SGMS1: variants seen among roughly 807,000 people sequenced by gnomAD.
SGMS1 encodes the protein phosphatidylcholine:ceramide cholinephosphotransferase 1.
Under a neutral mutation model 46.2 loss-of-function variants are expected in SGMS1, and 13 were observed. That is an observed-to-expected ratio of 0.28 (90% CI 0.18 to 0.45). The LOEUF is 0.45. Ranked by LOEUF, SGMS1 falls within the 20% of genes least tolerant of loss-of-function variation. The pLI is 1.00. For missense variants in SGMS1, 324 were observed against 519.9 expected (o/e 0.62, Z 3.66); for synonymous variants, 203 against 187.8 (o/e 1.08, Z -0.66).
intron 5 of SGMS1, among the ~76,000 whole-genome samples, chr10:50,435,177 T>C (rs775772213): frequency 1.8e-4 from 27 of 152,230 alleles, no homozygotes; most frequent in Non-Finnish European, 4.0e-4. Flanking sequence ...TGCTGTTTAA[T>C]AGCAGTGTGA....
At chr10:50,482,412 G>A (rs186321088) in intron 3 of SGMS1, among the ~76,000 whole-genome samples, 3 of 152,194 alleles carry the variant, frequency 2.0e-5, no homozygotes, top group African/African-American at 4.8e-5. Flanking sequence ...TTTCATATAC[G>A]GCCAAACTAA....
chr10:50,465,685 A>C (rs1239390700), intron 4 of SGMS1, among the ~76,000 whole-genome samples: 2 of 152,126 alleles, frequency 1.3e-5, no homozygotes, highest in Non-Finnish European at 1.5e-5. Context: ...CAGACTAAGA[A>C]AAGAGAGAAT....
At chr10:50,549,740 G>T (rs565020571) in intron 2 of SGMS1, among the ~76,000 whole-genome samples, 2 of 152,146 alleles carry the variant, frequency 1.3e-5, no homozygotes, top group African/African-American at 4.8e-5. Context: ...CACTAATTTG[G>T]TGACTCTGCT....
At chr10:50,361,380 G>A (rs933669609) in intron 6 of SGMS1, among the ~76,000 whole-genome samples, 3 of 152,046 alleles carry the variant, frequency 2.0e-5, no homozygotes, top group Non-Finnish European at 2.9e-5. Context: ...AAGGCTGCCC[G>A]AGGAAGTCAT....
chr10:50,535,781 CTCACACCTCTGAT>C (rs1837995455), intron 2 of SGMS1, among the ~76,000 whole-genome samples: 1 of 152,098 alleles, frequency 6.6e-6, no homozygotes, highest in South Asian at 2.1e-4. Flanking sequence ...CTGAGATGCT[CTCACACCTCTGAT>C]TCAGCCACTT....
intron 7 of SGMS1, among the ~76,000 whole-genome samples, chr10:50,329,142 C>T (rs1257200726): frequency 6.6e-6 from 1 of 152,116 alleles, no homozygotes; most frequent in Non-Finnish European, 1.5e-5. Context: ...TTTTATGATG[C>T]ACAAAAGGTA....
At chr10:50,539,824 C>T (rs555470636) in intron 2 of SGMS1, among the ~76,000 whole-genome samples, 1 of 152,228 alleles carries the variant, frequency 6.6e-6, no homozygotes, top group East Asian at 1.9e-4. Flanking sequence ...CCAATGGAAA[C>T]AAGAAATCAA....
At chr10:50,487,063 A>G (rs1317053088) in intron 3 of SGMS1, among the ~76,000 whole-genome samples, 1 of 152,186 alleles carries the variant, frequency 6.6e-6, no homozygotes, top group Non-Finnish European at 1.5e-5. Context: ...AGAAACAGAA[A>G]CCCAAATACC....
chr10:50,561,879 G>C lies in SGMS1; in HGVS notation c.-589+28274C>G, dbSNP rs1838239615. Among the ~76,000 whole-genome samples, 3 of 152,208 alleles carry C rather than the reference G, an allele frequency of 2.0e-5. No individual in the cohort carries two copies. In the South Asian group the frequency reaches 6.2e-4, roughly 32 times the overall value. On this transcript the variant is annotated intron_variant, in intron 2 of 10. Coordinates refer to ENST00000361781, the MANE Select transcript of SGMS1 (RefSeq NM_147156.4). ...TTCAAGTGGACCTCTCCCCACAGAGGACCCCAAAAGTACACCCACTACCCC... is the reference window on the plus strand; with the variant it reads ...TTCAAGTGGACCTCTCCCCACAGAGCACCCCAAAAGTACACCCACTACCCC...
chr10:50,349,296 G>C (rs1213311871), intron 6 of SGMS1, among the ~76,000 whole-genome samples: 2 of 152,200 alleles, frequency 1.3e-5, no homozygotes, highest in African/African-American at 4.8e-5. Flanking sequence ...AGCCTTAGCT[G>C]TCTACTCCAC....
intron 5 of SGMS1, among the ~76,000 whole-genome samples, chr10:50,456,457 GTAA>G (rs1837192276): frequency 6.6e-6 from 1 of 152,164 alleles, no homozygotes; most frequent in African/African-American, 2.4e-5. Context: ...AGAACAAGAA[GTAA>G]TAATAAGTCA....
At chr10:50,569,957 G>A (rs796286717) in intron 2 of SGMS1, among the ~76,000 whole-genome samples, 65 of 152,224 alleles carry the variant, frequency 4.3e-4, no homozygotes, top group African/African-American at 1.3e-3. Context: ...AATAATTGTG[G>A]TTAATCTTCT....
chr10:50,377,750 A>G (rs1397662419), intron 6 of SGMS1, among the ~76,000 whole-genome samples: 9 of 152,192 alleles, frequency 5.9e-5, no homozygotes, highest in African/African-American at 2.2e-4. Flanking sequence ...AAGTATTAGC[A>G]GGGACATACT....
chr10:50,524,332 C>A (rs924813121), intron 2 of SGMS1, among the ~76,000 whole-genome samples: 3 of 152,176 alleles, frequency 2.0e-5, no homozygotes, highest in African/African-American at 7.2e-5. Flanking sequence ...AGCCTCTGGG[C>A]TTGATAAAAC....
At chr10:50,327,396 G>T in intron 7 of SGMS1, 74 bp from the exon 8 acceptor site, 1 of 902,042 alleles carries the variant, frequency 1.1e-6, no homozygotes, top group South Asian at 1.5e-5. Context: ...ATTTTTCAAT[G>T]ACTCAATAAA....
rs549849634 is a variant in SGMS1, at chr10:50,507,331, T to A, written c.-498+12500A>T. Reference sequence around the variant, plus strand: ...TCTTCTTTCTTGCAGCTGCCACTGATCTGAGTTCACACAACAAGCCCCTTT... The same window carrying A: ...TCTTCTTTCTTGCAGCTGCCACTGAACTGAGTTCACACAACAAGCCCCTTT... On this transcript the variant is annotated intron_variant, in intron 3 of 10. Transcript: ENST00000361781. 2.6e-5 allele frequency among the ~76,000 whole-genome samples: 4 copies of A among 152,210 alleles called. No individual in the cohort carries two copies. The South Asian group carries it at 6.2e-4, about 24-fold the overall frequency.
chr10:50,372,040 T>C (rs750000033), intron 6 of SGMS1, among the ~76,000 whole-genome samples: 1 of 152,220 alleles, frequency 6.6e-6, no homozygotes, highest in Non-Finnish European at 1.5e-5. Flanking sequence ...CTCTTATCTA[T>C]ATAATCTTAC....
intron 5 of SGMS1, among the ~76,000 whole-genome samples, chr10:50,434,163 G>C (rs531289458): frequency 6.6e-6 from 1 of 152,298 alleles, no homozygotes; most frequent in East Asian, 1.9e-4. Context: ...CCAGCAAAGG[G>C]CCTTCCTTTT....
At chr10:50,431,745 C>T (rs1460155401) in intron 6 of SGMS1, among the ~76,000 whole-genome samples, 1 of 152,110 alleles carries the variant, frequency 6.6e-6, no homozygotes, top group Non-Finnish European at 1.5e-5. Context: ...TGGGAGGAAT[C>T]CTGACTACTT....
Sources: gnomAD v4.1 joint callset for allele counts (sites outside exome capture counted in the v4.1 genomes callset) on GRCh38, gnomAD v4.1.1 for gene constraint, MANE v1.5 for transcripts, NCBI Gene and HGNC (gene_info 2026-07-23, HGNC 2026-07-21) for gene names.